The following MYO7A variants were observed in gnomAD, a reference collection of about 807,000 sequenced individuals.
MYO7A encodes myosin VIIA, also known as unconventional myosin-VIIa.
In MYO7A, 210 loss-of-function variants were observed where a neutral mutation model predicts 263.8. The ratio of observed to expected loss-of-function variants is 0.80; its 90% CI spans 0.71 to 0.89. MYO7A has a LOEUF of 0.89. Ranked by LOEUF, MYO7A falls within the 40% of genes least tolerant of loss-of-function variation. MYO7A has a pLI of 0.00. For missense variants in MYO7A, 2,820 were observed against 2,968.3 expected (o/e 0.95, Z 1.16); for synonymous variants, 1,239 against 1,197.3 (o/e 1.03, Z -0.72).
In MYO7A at chr11:77,204,314, TC is replaced by T. The variant is rs1464159177; in HGVS notation, c.5480+86del. ...TTACCCTCCTGAGGCAGCTGCTGGC[TC>T]TGCCTGGATGCAGTCCTTCCTCACA... On this transcript the variant is annotated intron_variant, in intron 39 of 48. Transcript: ENST00000409709. The T allele has an allele frequency of 2.0e-6, 3 of 1,496,484 alleles. No homozygotes were observed. The East Asian group carries it at 7.5e-5, about 37-fold the overall frequency. The allele number at this position is 1,496,484 out of a possible 1,614,324, so 92.7% of individuals were successfully genotyped here. A position where few individuals can be genotyped will look rare whatever the true frequency, so the allele number is the denominator to read the frequency against.
rs1487259411 is a variant in MYO7A, at chr11:77,204,108, A to C, written c.5359A>C (p.Lys1787Gln). 2 of 1,601,838 alleles carry C rather than the reference A, an allele frequency of 1.2e-6. No homozygotes were observed. The highest frequency in any genetic ancestry group is 2.3e-5 in the South Asian group (2 of 88,320). Residue 1787 changes from lysine (K) to glutamine (Q), a missense_variant, in exon 39 of 49, where the codon AAG becomes CAG. By Grantham distance (53) the Lys-to-Gln change is moderately conservative. Coordinates refer to ENST00000409709, the MANE Select transcript of MYO7A (RefSeq NM_000260.4). ...VLKYMGDYPS[K>Q]RTRSVNELTD... ...CAAGTACATGGGCGACTACCCGTCC[A>C]AGAGGACACGCTCCGTCAACGAGCT...
intron 4 of MYO7A, among the ~76,000 whole-genome samples, chr11:77,148,763 TA>T (rs1565322853): frequency 6.6e-6 from 1 of 152,158 alleles, no homozygotes; most frequent in African/African-American, 2.4e-5. Context: ...ATAAATCTAT[TA>T]TAAGATAATA....
chr11:77,197,038 T>C (rs1956714312), intron 32 of MYO7A, among the ~76,000 whole-genome samples: 1 of 152,188 alleles, frequency 6.6e-6, no homozygotes, highest in Admixed American at 6.5e-5. Context: ...CAGTTGTGGC[T>C]GCACTCACAG....
At chr11:77,150,732 A>G (rs1359498013) in intron 4 of MYO7A, among the ~76,000 whole-genome samples, 2 of 152,142 alleles carry the variant, frequency 1.3e-5, no homozygotes, top group Admixed American at 6.5e-5. Context: ...CTCAGCTCCA[A>G]TAGTCCGCTG....
intron 8 of MYO7A, 150 bp from the exon 9 acceptor site, chr11:77,158,127 T>C: frequency 1.5e-6 from 1 of 667,618 alleles, no homozygotes; most frequent in Non-Finnish European, 2.3e-6. Flanking sequence ...GGAGGAGTTG[T>C]GGTGCTCACC....
At chr11:77,208,880 C>T in intron 44 of MYO7A, 77 bp downstream of exon 44, 1 of 1,227,036 alleles carries the variant, frequency 8.1e-7, no homozygotes, top group Non-Finnish European at 1.2e-6. Context: ...CAGAGACCCA[C>T]TGACCTTGCC....
intron 3 of MYO7A, among the ~76,000 whole-genome samples, chr11:77,147,034 G>A (rs1302313839): frequency 3.3e-5 from 5 of 152,096 alleles, no homozygotes; most frequent in East Asian, 3.9e-4. Flanking sequence ...CAGCTCACAC[G>A]TCCCAAGAGT....
rs1591449747 is a variant in MYO7A, at chr11:77,197,342, T to C, written c.4324-139T>C. 1.4e-5 allele frequency: 9 copies of C among 623,120 alleles called. No individual in the cohort carries two copies. The East Asian group carries it at 2.5e-4, about 17-fold the overall frequency. The allele number at this position is 623,120 out of a possible 1,614,324, so 38.6% of individuals were successfully genotyped here. On this transcript the variant is annotated intron_variant, in intron 32 of 48. Coordinates refer to ENST00000409709, the MANE Select transcript of MYO7A (RefSeq NM_000260.4). Reference sequence around the variant, plus strand: ...TGGGGACAGGGTGGCTGCAGACAGATGGGAGCAGGGCAAGGCCACGATGCA... The same window carrying C: ...TGGGGACAGGGTGGCTGCAGACAGACGGGAGCAGGGCAAGGCCACGATGCA...
intron 15 of MYO7A, among the ~76,000 whole-genome samples, chr11:77,172,051 C>A (rs572870854): frequency 6.6e-6 from 1 of 152,352 alleles, no homozygotes; most frequent in African/African-American, 2.4e-5. Flanking sequence ...GCCCCGCCCC[C>A]AGCCTGCTGC....
chr11:77,204,029 C>G (rs773612433), intron 38 of MYO7A, 47 bp from the exon 39 acceptor site: 31 of 1,544,128 alleles, frequency 2.0e-5, no homozygotes, highest in Admixed American at 1.9e-5. Flanking sequence ...GGACCCCAGG[C>G]CAGTGCTCCC....
intron 21 of MYO7A, 28 bp from the exon 22 acceptor site, chr11:77,180,346 A>G (rs1555083292): frequency 1.3e-6 from 2 of 1,595,142 alleles, no homozygotes; most frequent in Non-Finnish European, 1.7e-6. Context: ...ACACATTTCC[A>G]TGCCCTCTGG....
intron 32 of MYO7A, among the ~76,000 whole-genome samples, chr11:77,196,639 T>C (rs1591447135): frequency 1.3e-5 from 2 of 152,206 alleles, no homozygotes; most frequent in African/African-American, 4.8e-5. Context: ...CCTACATATG[T>C]ATTTTCTCTG....
chr11:77,153,714 C>G (rs1229663242), intron 4 of MYO7A, among the ~76,000 whole-genome samples: 1 of 152,166 alleles, frequency 6.6e-6, no homozygotes, highest in Non-Finnish European at 1.5e-5. Flanking sequence ...GCCGGGGTGA[C>G]CTTTCACCAG....
Position 77,211,337 on chromosome 11 carries a change from G to A in MYO7A, c.6237G>A (p.Arg2079=). 1 of 1,575,716 alleles carries A rather than the reference G, an allele frequency of 6.3e-7. No individual in the cohort carries two copies. The highest frequency in any genetic ancestry group is 8.6e-7 in the Non-Finnish European group (1 of 1,160,800). ...AGGTCTCACCTGATGACTGGAAGCGGGTGAGCATGGGGTGGGCATCGGGAA... is the reference window on the plus strand; with the variant it reads ...AGGTCTCACCTGATGACTGGAAGCGAGTGAGCATGGGGTGGGCATCGGGAA... ...IRQVSPDDWK[R]SIVAYFNKHA... The change falls in exon 45 of 49, where the codon CGG becomes CGA. Residue 2079 remains arginine (R), a splice_region_variant and synonymous_variant. Coordinates refer to ENST00000409709, the MANE Select transcript of MYO7A (RefSeq NM_000260.4).
intron 2 of MYO7A, among the ~76,000 whole-genome samples, chr11:77,134,405 C>T (rs1269321267): frequency 1.3e-5 from 2 of 152,058 alleles, no homozygotes; most frequent in African/African-American, 4.8e-5. Flanking sequence ...TTATGTTATA[C>T]ATTTGTCTTT....
At chr11:77,190,303 C>T (rs1017349573) in intron 29 of MYO7A, among the ~76,000 whole-genome samples, 164 bp downstream of exon 29, 20 of 152,198 alleles carry the variant, frequency 1.3e-4, no homozygotes, top group Admixed American at 3.9e-4. Context: ...CCAGGCCCAT[C>T]GGAACAGAAA....
intron 35 of MYO7A, 134 bp from the exon 36 acceptor site, chr11:77,201,314 G>A: frequency 2.3e-6 from 2 of 853,224 alleles, no homozygotes; most frequent in South Asian, 3.3e-5. Flanking sequence ...GTCTCTGTAT[G>A]GAGAGTTGTG....
Position 77,156,854 on chromosome 11 carries a change from CT to C in MYO7A, c.593-7del. On this transcript the variant is annotated splice_region_variant and splice_polypyrimidine_tract_variant and intron_variant, in intron 6 of 48. Coordinates refer to ENST00000409709, the MANE Select transcript of MYO7A (RefSeq NM_000260.4). ...GGCTTTGCCAGTGACACCCTACTCA[CT>C]CCGCAGCATTTGGGAATGCCAAGAC... 1 of 1,613,962 alleles carries C rather than the reference CT, an allele frequency of 6.2e-7. No homozygotes were observed. Among genetic ancestry groups the C allele is most frequent in the Non-Finnish European group, 8.5e-7 (1 of 1,179,896 alleles).
rs947981523 is a variant in MYO7A, at chr11:77,190,714, G to A, written c.3768G>A (p.Lys1256=). The change falls in exon 30 of 49, where the codon AAG becomes AAA. Residue 1256 remains lysine, a synonymous_variant. Coordinates refer to ENST00000409709, the MANE Select transcript of MYO7A (RefSeq NM_000260.4). ...WLELQATKSK[K]PIMLPVTFMD... ...ACTTCCAGGCCACCAAGTCCAAGAAGCCAATCATGTTGCCCGTGACATTCA... is the reference window on the plus strand; with the variant it reads ...ACTTCCAGGCCACCAAGTCCAAGAAACCAATCATGTTGCCCGTGACATTCA... The A allele has an allele frequency of 1.3e-6, 2 of 1,596,108 alleles. No individual in the cohort carries two copies. Among genetic ancestry groups the A allele is most frequent in the Admixed American group, 1.7e-5 (1 of 57,738 alleles).
Sources: gnomAD v4.1 joint callset for allele counts (sites outside exome capture counted in the v4.1 genomes callset) on GRCh38, gnomAD v4.1.1 for gene constraint, MANE v1.5 for transcripts, NCBI Gene and HGNC (gene_info 2026-07-23, HGNC 2026-07-21) for gene names.